Variants in RAB11FIP4 observed in about 807,000 individuals in gnomAD.
The protein encoded by RAB11FIP4 is rab11 family-interacting protein 4.
In RAB11FIP4, 23 loss-of-function variants were observed where a neutral mutation model predicts 74.3. That is an observed-to-expected ratio of 0.31 (90% CI 0.22 to 0.44). The LOEUF is 0.44. RAB11FIP4 is among the 20% of genes least tolerant of loss of function. The probability of loss-of-function intolerance (pLI) is 1.00; values close to 1 mark genes in which losing one functional copy is unlikely to be tolerated. For synonymous variants in RAB11FIP4, 360 were observed against 359.9 expected, an observed-to-expected ratio of 1.00 and a Z score of 0.00; for missense variants, 630 against 863.9, an observed-to-expected ratio of 0.73 and a Z score of 3.39.
chr17:31,434,428 C>A (rs1023766004), intron 3 of RAB11FIP4, among the ~76,000 whole-genome samples: 1 of 152,124 alleles, frequency 6.6e-6, no homozygotes, highest in Non-Finnish European at 1.5e-5. Flanking sequence ...GAATTGTTTC[C>A]TTTTCTTCTG....
rs752626401 is a variant in RAB11FIP4, at chr17:31,434,110, C to T, written c.324C>T (p.Asp108=). The change falls in exon 3 of 15, where the codon GAC becomes GAT. Residue 108 remains aspartate (D), a synonymous_variant. Coordinates refer to ENST00000621161, the MANE Select transcript of RAB11FIP4 (RefSeq NM_032932.6). Reference sequence around the variant, plus strand: ...TGCCGTGCGCGCCAGAGATCCCAGACTGCGTGGAGCAGGTAAGGCTTGGGG... The same window carrying T: ...TGCCGTGCGCGCCAGAGATCCCAGATTGCGTGGAGCAGGTAAGGCTTGGGG... ...GTLPCAPEIP[D]CVEQGSEVTG... is the part of the protein sequence containing the mutation. 6.3e-7 allele frequency: 1 copy of T among 1,580,902 alleles called. No individual in the cohort carries two copies. The highest frequency in any genetic ancestry group is 1.8e-5 in the Admixed American group (1 of 55,056).
At chr17:31,452,592 T>C (rs1364381808) in intron 3 of RAB11FIP4, among the ~76,000 whole-genome samples, 1 of 152,184 alleles carries the variant, frequency 6.6e-6, no homozygotes, top group Non-Finnish European at 1.5e-5. Flanking sequence ...AGCAGCGCTT[T>C]TGTAACTTGC....
At chr17:31,405,078 C>T (rs2071030030) in intron 1 of RAB11FIP4, among the ~76,000 whole-genome samples, 1 of 152,048 alleles carries the variant, frequency 6.6e-6, no homozygotes, top group Non-Finnish European at 1.5e-5. Context: ...AGCTCTATTG[C>T]CTTTAGACAA....
chr17:31,442,891 C>T (rs759949084), intron 3 of RAB11FIP4, among the ~76,000 whole-genome samples: 18 of 149,438 alleles, frequency 1.2e-4, no homozygotes, highest in Non-Finnish European at 2.2e-4. Context: ...ACCCAAGAGG[C>T]GGAGGTTGCA....
intron 1 of RAB11FIP4, among the ~76,000 whole-genome samples, chr17:31,414,996 A>C (rs2071133556): frequency 6.6e-6 from 1 of 152,304 alleles, no homozygotes; most frequent in East Asian, 1.9e-4. Flanking sequence ...GCGTTGACCC[A>C]AGAGGGCATC....
chr17:31,419,786 A>G (rs1402400741), intron 1 of RAB11FIP4, among the ~76,000 whole-genome samples: 1 of 151,884 alleles, frequency 6.6e-6, no homozygotes, highest in African/African-American at 2.4e-5. Context: ...TCCTGATCTC[A>G]TGATCCGCCC....
Position 31,431,905 on chromosome 17 carries a change from G to A in RAB11FIP4, c.247+5G>A. On this transcript the variant is annotated splice_donor_5th_base_variant and intron_variant, in intron 2 of 14. Transcript: ENST00000621161. ...GGGGGGTGTTCGCCATGAAAGGTGA[G>A]GTCTTCCCGGGAGGCTTTCCCAGGC... 3 of 1,607,388 alleles carry A rather than the reference G, an allele frequency of 1.9e-6. No homozygotes were observed. Among genetic ancestry groups the A allele is most frequent in the Non-Finnish European group, 2.6e-6 (3 of 1,174,866 alleles).
At chr17:31,469,119 G>C (rs1469955053) in intron 3 of RAB11FIP4, among the ~76,000 whole-genome samples, 3 of 152,210 alleles carry the variant, frequency 2.0e-5, no homozygotes, top group Non-Finnish European at 1.5e-5. Flanking sequence ...TTTGCAGATT[G>C]CCCAAGTAAC....
At chr17:31,454,620 A>C (rs1010681479) in intron 3 of RAB11FIP4, among the ~76,000 whole-genome samples, 3 of 150,986 alleles carry the variant, frequency 2.0e-5, no homozygotes, top group African/African-American at 7.3e-5. Context: ...GCCATGGCTC[A>C]TGCCTGTAAT....
chr17:31,509,333 C>T (rs62063890), intron 3 of RAB11FIP4: 25,309 of 152,176 alleles, frequency 0.17, 2,703 homozygotes, highest in Middle Eastern at 0.25. Flanking sequence ...CGGTTGCCCC[C>T]GCTCCTGGGG....
chr17:31,528,631 C>T lies in RAB11FIP4; in HGVS notation c.1506C>T (p.Asp502=), dbSNP rs1168062111. 1.9e-6 allele frequency: 3 copies of T among 1,613,572 alleles called. No individual in the cohort carries two copies. The East Asian group carries it at 6.7e-5, about 36-fold the overall frequency. The part of the protein sequence containing the change: ...EREATQELIE[D]LRKELEHLQM... ...TCTCTCCCTCGCAGCTCATCGAGGA[C>T]TTGCGGAAGGAGCTGGAGCACCTGC... Residue 502 remains aspartate, a synonymous_variant, in exon 13 of 15, where the codon GAC becomes GAT. Transcript: ENST00000621161.
At chr17:31,392,104 C>T (rs1597891455) in intron 1 of RAB11FIP4, 93 bp downstream of exon 1, 4 of 1,014,380 alleles carry the variant, frequency 3.9e-6, no homozygotes, top group Non-Finnish European at 5.0e-6. Context: ...CCGCGTGGCC[C>T]GAGGCGGTGG....
intron 3 of RAB11FIP4, among the ~76,000 whole-genome samples, chr17:31,453,792 C>CAAAAAAAAAA (rs555119408): frequency 1.3e-4 from 8 of 62,490 alleles, no homozygotes; most frequent in Admixed American, 1.8e-4. Flanking sequence ...AGACTCGTCT[C>CAAAAAAAAAA]AAAAAAAAAA....
rs148280485 is a variant in RAB11FIP4, at chr17:31,538,091, G to A, written c.*6359G>A. ...GGGGTGAGGCCCTGAGGCTGTCCAG[G>A]GTCTGAGCTCTTTGCCTCCAACCTG... On this transcript the variant is annotated 3_prime_UTR_variant, in exon 15 of 15. Coordinates refer to ENST00000621161, the MANE Select transcript of RAB11FIP4 (RefSeq NM_032932.6). The A allele has an allele frequency of 8.8e-4, 135 of 152,704 alleles. No individual in the cohort carries two copies. Among genetic ancestry groups the A allele is most frequent in the African/African-American group, 3.2e-3 (133 of 41,578 alleles). 9.5% of individuals were successfully genotyped at this position (152,704 alleles called of 1,614,324 possible).
rs112676037 is a variant in RAB11FIP4, at chr17:31,392,065, C to A, written c.159+54C>A. 28 of 1,156,552 alleles carry A rather than the reference C, an allele frequency of 2.4e-5. No individual in the cohort carries two copies. The South Asian group carries it at 1.0e-3, about 42-fold the overall frequency. The allele number at this position is 1,156,552 out of a possible 1,614,324, so 71.6% of individuals were successfully genotyped here. The stretch of plus-strand genomic sequence containing the variant: ...CGGGGACCCCAGCCCAGCCCCGCCG[C>A]CCCTCCCCCAGCTCCCCCGCCGGGT... On this transcript the variant is annotated intron_variant, in intron 1 of 14. Coordinates refer to ENST00000621161, the MANE Select transcript of RAB11FIP4 (RefSeq NM_032932.6).
At chr17:31,433,875 TG>T (rs1167792782) in intron 2 of RAB11FIP4, among the ~76,000 whole-genome samples, 158 bp from the exon 3 acceptor site, 1 of 152,206 alleles carries the variant, frequency 6.6e-6, no homozygotes, top group Non-Finnish European at 1.5e-5. Context: ...CCCCACCGCC[TG>T]GGCTCCATCC....
rs575680963 is a variant in RAB11FIP4 at position 31,430,503 on chromosome 17, G to A, written c.160-1310G>A. ...CTCCCGAGTAGCTAGGACTACAGGC[G>A]CCCGCCACGACGCCCGGCTAATTTT... is the stretch of plus-strand genomic sequence containing the variant. On this transcript the variant is annotated intron_variant, in intron 1 of 14. Coordinates refer to ENST00000621161, the MANE Select transcript of RAB11FIP4 (RefSeq NM_032932.6). 4.7e-3 allele frequency among the ~76,000 whole-genome samples: 717 copies of A among 151,172 alleles called. 2 individuals are homozygous for A. Among genetic ancestry groups the A allele is most frequent in the African/African-American group, 0.015 (628 of 41,120 alleles).
chr17:31,441,747 C>T (rs970578811), intron 3 of RAB11FIP4, among the ~76,000 whole-genome samples: 4 of 151,852 alleles, frequency 2.6e-5, no homozygotes, highest in African/African-American at 4.8e-5. Flanking sequence ...AGGCTGGCCT[C>T]GAACTCCTGA....
At chr17:31,429,440 A>G (rs1407262352) in intron 1 of RAB11FIP4, among the ~76,000 whole-genome samples, 2 of 152,302 alleles carry the variant, frequency 1.3e-5, no homozygotes, top group East Asian at 1.9e-4. Flanking sequence ...TGCCCTGACT[A>G]GCTCACCAGT....
Sources: allele counts gnomAD v4.1 joint callset (sites outside exome capture counted in the v4.1 genomes callset), GRCh38; gene constraint gnomAD v4.1.1; transcripts MANE v1.5; gene names NCBI Gene and HGNC (gene_info 2026-07-23, HGNC 2026-07-21).